The following STAB2 variants were observed in gnomAD, a reference collection of about 807,000 sequenced individuals.
The protein encoded by STAB2 is stabilin-2.
STAB2 carries 288 observed loss-of-function variants against 338.1 expected under a neutral mutation model. The ratio of observed to expected loss-of-function variants is 0.85; its 90% CI spans 0.77 to 0.94. The LOEUF is 0.94. Among genes scored for constraint, STAB2 ranks in the 40% least tolerant of loss-of-function variants. The probability of loss-of-function intolerance (pLI) is 0.00; values close to 1 mark genes in which losing one functional copy is unlikely to be tolerated. For synonymous variants in STAB2, 1,202 were observed against 1,193.3 expected, an observed-to-expected ratio of 1.01 and a Z score of -0.15; for missense variants, 3,141 against 3,210.1, an observed-to-expected ratio of 0.98 and a Z score of 0.52.
chr12:103,732,626 C>T (rs775854924), intron 50 of STAB2, among the ~76,000 whole-genome samples: 3 of 152,002 alleles, frequency 2.0e-5, no homozygotes, highest in Non-Finnish European at 2.9e-5. Flanking sequence ...GGCAACATGG[C>T]GAAACCCCAT....
In STAB2 at chr12:103,685,064, T is replaced by A; in HGVS notation, c.2977T>A (p.Cys993Ser). The change falls in exon 27 of 69, where the codon TGC becomes AGC. Residue 993 changes from cysteine (C) to serine (S), a missense_variant. By Grantham distance (112) the Cys-to-Ser change is moderately radical. Coordinates refer to ENST00000388887, the MANE Select transcript of STAB2 (RefSeq NM_017564.10). Reference sequence around the variant, plus strand: ...GGGCTATGAAGGAGATGGCTTTCTGTGCTATGGAAACGCAGCAGTGGTAAG... The same window carrying A: ...GGGCTATGAAGGAGATGGCTTTCTGAGCTATGGAAACGCAGCAGTGGTAAG... Reference protein sequence around the residue: ...QEGYEGDGFLCYGNAAVELSF... With the variant: ...QEGYEGDGFLSYGNAAVELSF... 6.2e-7 allele frequency: 1 copy of A among 1,614,000 alleles called. No homozygotes were observed. Among genetic ancestry groups the A allele is most frequent in the Non-Finnish European group, 8.5e-7 (1 of 1,179,894 alleles).
intron 59 of STAB2, among the ~76,000 whole-genome samples, 190 bp downstream of exon 59, chr12:103,749,346 T>C (rs946811387): frequency 2.0e-5 from 3 of 152,140 alleles, no homozygotes; most frequent in Non-Finnish European, 2.9e-5. Flanking sequence ...AGGACGTCCA[T>C]GGAAAACTGG....
intron 55 of STAB2, 71 bp from the exon 56 acceptor site, chr12:103,742,334 A>ACATTTACAAAG: frequency 6.4e-7 from 1 of 1,562,672 alleles, no homozygotes; most frequent in Non-Finnish European, 8.7e-7. Flanking sequence ...ATGCCACAGC[A>ACATTTACAAAG]CATTTACAAA....
At chr12:103,676,143 C>T (rs2138840143) in intron 24 of STAB2, 122 bp downstream of exon 24, 4 of 588,548 alleles carry the variant, frequency 6.8e-6, no homozygotes, top group Non-Finnish European at 1.1e-5. Flanking sequence ...CTCACTGCAA[C>T]ATCCGCCTCC....
At chr12:103,723,760 C>T (rs747350148) in intron 44 of STAB2, among the ~76,000 whole-genome samples, 3 of 152,122 alleles carry the variant, frequency 2.0e-5, no homozygotes, top group Non-Finnish European at 4.4e-5. Flanking sequence ...CACAGTGTTC[C>T]ACCTTGCCAG....
rs1566082354 is a variant in STAB2, at chr12:103,756,999, ATATAT to A, written c.6988-1170_6988-1166del. The stretch of plus-strand genomic sequence containing the variant: ...TCAGTAGCCCAGAAGGAGGGAAAAT[ATATAT>A]ATATATATATATATATATATATATA... On this transcript the variant is annotated intron_variant, in intron 63 of 68. Transcript: ENST00000388887. Among the ~76,000 whole-genome samples the A allele has an allele frequency of 4.6e-3, 216 of 47,256 alleles. 2 individuals carry two copies. The highest frequency in any genetic ancestry group is 0.011 in the African/African-American group (195 of 18,564). The allele number at this position is 47,256 out of a possible 152,430, so 31.0% of individuals were successfully genotyped here.
chr12:103,589,899 G>A (rs1321354939), intron 1 of STAB2, among the ~76,000 whole-genome samples: 2 of 152,138 alleles, frequency 1.3e-5, no homozygotes, highest in Admixed American at 6.5e-5. Context: ...CCTCAAGAGT[G>A]GTTATTAATA....
In STAB2 at chr12:103,621,498, CA is replaced by C. The variant is rs35592018; in HGVS notation, c.418-542del. On this transcript the variant is annotated intron_variant, in intron 4 of 68. Coordinates refer to ENST00000388887, the MANE Select transcript of STAB2 (RefSeq NM_017564.10). Reference sequence around the variant, plus strand: ...CTGTAATCCCAGTACTTTGGGAGGCCAAGGTGAGCAGATCACTTGAGGCCAG... The same window carrying C: ...CTGTAATCCCAGTACTTTGGGAGGCCAGGTGAGCAGATCACTTGAGGCCAG... Among the ~76,000 whole-genome samples the C allele has an allele frequency of 6.9e-3, 1,049 of 152,230 alleles. 13 individuals carry two copies. Among genetic ancestry groups the C allele is most frequent in the African/African-American group, 0.024 (977 of 41,530 alleles).
At position 103,763,721 on chromosome 12, in the gene STAB2, T is replaced by C. The variant is rs1447449994; in HGVS notation, c.7605+113T>C. ...CCAAAGAAGGTTCATTTCTAGAATG[T>C]ATGTCAGGTAACAAGCCTAAAAGCC... On this transcript the variant is annotated intron_variant, in intron 68 of 68. Coordinates refer to ENST00000388887, the MANE Select transcript of STAB2 (RefSeq NM_017564.10). 21 of 1,042,028 alleles carry C rather than the reference T, an allele frequency of 2.0e-5. No individual in the cohort carries two copies. In the East Asian group the frequency reaches 4.9e-4, roughly 24 times the overall value. The allele number at this position is 1,042,028 out of a possible 1,614,324, so 64.5% of individuals were successfully genotyped here. A position where few individuals can be genotyped will look rare whatever the true frequency, so the allele number is the denominator to read the frequency against.
At chr12:103,623,106 A>T (rs888884488) in intron 5 of STAB2, among the ~76,000 whole-genome samples, 2 of 152,182 alleles carry the variant, frequency 1.3e-5, no homozygotes, top group Non-Finnish European at 2.9e-5. Context: ...TGATCCCAGG[A>T]AACACGAGGA....
chr12:103,649,249 G>A (rs912399907), intron 10 of STAB2, among the ~76,000 whole-genome samples: 7 of 152,204 alleles, frequency 4.6e-5, no homozygotes, highest in African/African-American at 1.7e-4. Context: ...TTGTTCCTCA[G>A]TGGAGGGGCT....
chr12:103,628,903 T>A (rs1427797), intron 5 of STAB2, among the ~76,000 whole-genome samples: 69,873 of 151,638 alleles, frequency 0.46, 16,944 homozygotes, highest in Non-Finnish European at 0.56. Context: ...AACATCAAAA[T>A]GCTAAATAAC....
intron 53 of STAB2, 134 bp from the exon 54 acceptor site, chr12:103,739,278 G>T: frequency 6.3e-6 from 5 of 797,426 alleles, no homozygotes; most frequent in Non-Finnish European, 9.1e-6. Flanking sequence ...TGCCTGGCCT[G>T]TTTTCATATT....
rs772961581 is a variant in STAB2 at position 103,730,118 on chromosome 12, C to T, written c.5085C>T (p.Ser1695=). 7.6e-6 allele frequency: 12 copies of T among 1,579,896 alleles called. No homozygotes were observed. Among genetic ancestry groups the T allele is most frequent in the Non-Finnish European group, 7.7e-6 (9 of 1,165,102 alleles). Residue 1695 remains serine, a splice_region_variant and synonymous_variant, in exon 49 of 69, where the codon AGC becomes AGT. Transcript: ENST00000388887. ...GEPIVISVSQ[S]TVYINNKAKI... ...TTTTTGTTTTTGGTTGATTTCAGAGCACGGTGTATATAAACAATAAGGCTA... is the reference window on the plus strand; with the variant it reads ...TTTTTGTTTTTGGTTGATTTCAGAGTACGGTGTATATAAACAATAAGGCTA...
At chr12:103,736,024 A>G (rs4981030) in intron 52 of STAB2, among the ~76,000 whole-genome samples, 76,418 of 151,938 alleles carry the variant, frequency 0.5, 20,475 homozygotes, top group Admixed American at 0.62. Context: ...GAGGTTTGCA[A>G]TTTTTACCTT....
chr12:103,695,690 C>T, intron 32 of STAB2, 42 bp downstream of exon 32: 1 of 1,613,994 alleles, frequency 6.2e-7, no homozygotes, highest in Non-Finnish European at 8.5e-7. Flanking sequence ...GCTCAGGTTA[C>T]CCAGGAACAG....
At chr12:103,665,646 C>G (rs916535002) in intron 18 of STAB2, among the ~76,000 whole-genome samples, 1 of 152,050 alleles carries the variant, frequency 6.6e-6, no homozygotes, top group Non-Finnish European at 1.5e-5. Flanking sequence ...TCCTCCTACC[C>G]ACCAAAATCC....
intron 44 of STAB2, among the ~76,000 whole-genome samples, chr12:103,718,802 C>T (rs1880530718): frequency 6.6e-6 from 1 of 152,290 alleles, no homozygotes; most frequent in Non-Finnish European, 1.5e-5. Flanking sequence ...TTCCTCCCAG[C>T]CCTGATCCAC....
chr12:103,762,427 A>G (rs1224236885), intron 67 of STAB2, 25 bp downstream of exon 67: 10 of 1,614,000 alleles, frequency 6.2e-6, no homozygotes, highest in Non-Finnish European at 8.5e-6. Context: ...TGGGAACATG[A>G]TGATGGGGTC....
Sources: allele counts gnomAD v4.1 joint callset (sites outside exome capture counted in the v4.1 genomes callset), GRCh38; gene constraint gnomAD v4.1.1; transcripts MANE v1.5; gene names NCBI Gene and HGNC (gene_info 2026-07-23, HGNC 2026-07-21).